The following SIL1 variants were observed in gnomAD, a reference collection of about 807,000 sequenced individuals.
SIL1 encodes nucleotide exchange factor SIL1.
A neutral mutation model predicts 49.1 loss-of-function variants in SIL1; 40 were observed. The observed-to-expected ratio is 0.81, with a 90% CI of 0.63 to 1.06. The LOEUF (loss-of-function observed/expected upper bound fraction) is 1.06, where lower values mean the gene tolerates loss of function less well. SIL1 is among the 50% of genes least tolerant of loss of function. The pLI is 0.00. For synonymous variants in SIL1, 253 were observed against 250.8 expected (o/e 1.01, Z -0.08); for missense variants, 500 against 572.6 (o/e 0.87, Z 1.29).
chr5:138,952,248 A>G (rs1010488393), intron 7 of SIL1, among the ~76,000 whole-genome samples: 11 of 152,256 alleles, frequency 7.2e-5, no homozygotes, highest in Admixed American at 3.9e-4. Context: ...TTCCCAAGCC[A>G]GTGCCGGATG....
chr5:139,185,712 G>A (rs1216438824), intron 1 of SIL1, among the ~76,000 whole-genome samples: 1 of 152,210 alleles, frequency 6.6e-6, no homozygotes, highest in Non-Finnish European at 1.5e-5. Context: ...AGTTTCTCAT[G>A]TAGTCTGCCC....
chr5:139,079,187 T>C (rs967142914), intron 3 of SIL1, among the ~76,000 whole-genome samples: 3 of 152,156 alleles, frequency 2.0e-5, no homozygotes, highest in Non-Finnish European at 2.9e-5. Context: ...TTGAGAGGCA[T>C]GGTGGGCAGC....
chr5:139,071,666 ATTTTT>A (rs67604334), intron 3 of SIL1, among the ~76,000 whole-genome samples: 1 of 127,418 alleles, frequency 7.8e-6, no homozygotes, highest in Non-Finnish European at 1.7e-5. Flanking sequence ...TATTATTAGC[ATTTTT>A]TTTTTTTTTT....
intron 1 of SIL1, 33 bp from the exon 2 acceptor site, chr5:139,127,886 A>C: frequency 1.5e-6 from 2 of 1,366,488 alleles, no homozygotes; most frequent in Non-Finnish European, 2.1e-6. Flanking sequence ...CAGAAGGTCA[A>C]TGAAAAGCTA....
At chr5:139,186,640 G>A (rs571576340) in intron 1 of SIL1, among the ~76,000 whole-genome samples, 17 of 152,248 alleles carry the variant, frequency 1.1e-4, no homozygotes, top group Non-Finnish European at 5.9e-5. Context: ...TCCCAACTTG[G>A]CCCTAAAAAC....
chr5:139,078,739 C>T (rs534086809), intron 3 of SIL1, among the ~76,000 whole-genome samples: 1 of 152,350 alleles, frequency 6.6e-6, no homozygotes, highest in African/African-American at 2.4e-5. Flanking sequence ...AAAAATCTAG[C>T]ACTTTTCACT....
intron 3 of SIL1, among the ~76,000 whole-genome samples, chr5:139,114,301 C>G (rs186994502): frequency 6.6e-6 from 1 of 152,312 alleles, no homozygotes; most frequent in Admixed American, 6.5e-5. Context: ...CAGTGATCAG[C>G]CATCCTGAGA....
At chr5:139,143,289 A>C (rs1751119262) in intron 1 of SIL1, among the ~76,000 whole-genome samples, 1 of 144,232 alleles carries the variant, frequency 6.9e-6, no homozygotes, top group Non-Finnish European at 1.5e-5. Context: ...GTATATACAC[A>C]TGTGTATATA....
In SIL1 at chr5:139,116,304, TTTTTTC is replaced by T. The variant is rs772734336; in HGVS notation, c.244+4725_244+4730del. On this transcript the variant is annotated intron_variant, in intron 3 of 9. Coordinates refer to ENST00000394817, the MANE Select transcript of SIL1 (RefSeq NM_022464.5). ...TCATCAGTTGTTGATGATTTGGAATTTTTTTCTTTTTCTTTTTTTTCCCCCTCACAT... is the reference window on the plus strand; with the variant it reads ...TCATCAGTTGTTGATGATTTGGAATTTTTTTCTTTTTTTTCCCCCTCACAT... Among the ~76,000 whole-genome samples, 70 of 152,332 alleles carry T rather than the reference TTTTTTC, an allele frequency of 4.6e-4. 1 individual carries two copies. The highest frequency in any genetic ancestry group is 2.4e-4 in the Non-Finnish European group (16 of 68,040).
intron 6 of SIL1, chr5:139,022,189 A>C (rs1273927690): frequency 3.9e-5 from 6 of 152,230 alleles, no homozygotes; most frequent in Non-Finnish European, 8.8e-5. Context: ...CATCTTGCCC[A>C]TATGCTAATC....
In SIL1 at chr5:138,985,171, G is replaced by A. The variant is rs571963890; in HGVS notation, c.768-33287C>T. 9.3e-4 allele frequency among the ~76,000 whole-genome samples: 141 copies of A among 152,332 alleles called. 1 individual carries two copies. Among genetic ancestry groups the A allele is most frequent in the African/African-American group, 3.2e-3 (135 of 41,582 alleles). ...CCTCCATCCCTTGGGGATATTTTAA[G>A]TATGTTCAATTTTGAGAGTGCCAGA... On this transcript the variant is annotated intron_variant, in intron 7 of 9. Transcript: ENST00000394817.
chr5:138,996,677 G>A (rs546670719), intron 7 of SIL1, among the ~76,000 whole-genome samples: 10 of 151,614 alleles, frequency 6.6e-5, no homozygotes, highest in African/African-American at 9.7e-5. Flanking sequence ...GAGCCACCAC[G>A]CCCAGCTAAT....
At chr5:139,194,293 C>T (rs773828851) in intron 1 of SIL1, among the ~76,000 whole-genome samples, 16 of 152,090 alleles carry the variant, frequency 1.1e-4, no homozygotes, top group African/African-American at 9.7e-5. Flanking sequence ...CTGAGCAGCC[C>T]GAATCTTTTA....
intron 7 of SIL1, among the ~76,000 whole-genome samples, chr5:138,997,350 T>C (rs558049514): frequency 2.4e-4 from 36 of 152,350 alleles, no homozygotes; most frequent in South Asian, 2.1e-3. Context: ...CTTCTGCGTA[T>C]GGTTATCCGG....
chr5:139,114,305 C>A (rs1770939931), intron 3 of SIL1, among the ~76,000 whole-genome samples: 1 of 152,194 alleles, frequency 6.6e-6, no homozygotes, highest in African/African-American at 2.4e-5. Flanking sequence ...GATCAGCCAT[C>A]CTGAGAGGCT....
chr5:139,177,447 T>C (rs1751908430), intron 1 of SIL1, among the ~76,000 whole-genome samples: 1 of 145,266 alleles, frequency 6.9e-6, no homozygotes, highest in Admixed American at 6.8e-5. Flanking sequence ...ATCATGTTGG[T>C]CAGGCTGGTT....
intron 4 of SIL1, among the ~76,000 whole-genome samples, chr5:139,045,247 C>T (rs1769131031): frequency 6.6e-6 from 1 of 152,058 alleles, no homozygotes; most frequent in East Asian, 1.9e-4. Context: ...GCCCCAGCTA[C>T]TCAGAAGCCT....
chr5:139,115,626 G>A (rs11959803), intron 3 of SIL1, among the ~76,000 whole-genome samples: 38,497 of 152,110 alleles, frequency 0.25, 5,892 homozygotes, highest in Middle Eastern at 0.37. Context: ...AACTCCACTT[G>A]AGCATGAGGG....
chr5:138,951,080 G>A (rs890174073), intron 9 of SIL1, 91 bp downstream of exon 9: 58 of 1,414,280 alleles, frequency 4.1e-5, no homozygotes, highest in Non-Finnish European at 5.2e-5. Flanking sequence ...GCAAACAAGT[G>A]ACGTCCGCAG....
Sources: gnomAD v4.1 joint callset for allele counts (sites outside exome capture counted in the v4.1 genomes callset) on GRCh38, gnomAD v4.1.1 for gene constraint, MANE v1.5 for transcripts, NCBI Gene and HGNC (gene_info 2026-07-23, HGNC 2026-07-21) for gene names.